HEATR1: variants seen among roughly 807,000 people sequenced by gnomAD.
HEATR1 encodes the protein HEAT repeat-containing protein 1.
In HEATR1, 77 loss-of-function variants were observed where a neutral mutation model predicts 248.2. The ratio of observed to expected loss-of-function variants is 0.31; its 90% CI spans 0.26 to 0.37. The LOEUF is 0.37. HEATR1 is among the 10% of genes least tolerant of loss of function. HEATR1 has a pLI of 1.00. For missense variants in HEATR1, 2,420 were observed against 2,504.9 expected, an observed-to-expected ratio of 0.97 and a Z score of 0.72; for synonymous variants, 897 against 923.1, an observed-to-expected ratio of 0.97 and a Z score of 0.51.
intron 9 of HEATR1, among the ~76,000 whole-genome samples, chr1:236,593,584 G>GAAAAAAA (rs534009257): frequency 1.2e-4 from 11 of 90,816 alleles, no homozygotes; most frequent in Admixed American, 2.5e-4. Flanking sequence ...CCCATTAAGA[G>GAAAAAAA]AAAAAAAAAA....
At chr1:236,584,449 T>C (rs1430117538) in intron 17 of HEATR1, among the ~76,000 whole-genome samples, 2 of 152,174 alleles carry the variant, frequency 1.3e-5, no homozygotes, top group African/African-American at 2.4e-5. Context: ...GTAAATCCTA[T>C]AATGAGAAGC....
At chr1:236,555,114 C>T (rs1449082332) in intron 41 of HEATR1, among the ~76,000 whole-genome samples, 182 bp downstream of exon 41, 2 of 152,144 alleles carry the variant, frequency 1.3e-5, no homozygotes, top group Non-Finnish European at 2.9e-5. Context: ...TTATAACATT[C>T]GCTCATGATG....
Position 236,574,233 on chromosome 1 carries a change from C to T in HEATR1, c.3428G>A (p.Cys1143Tyr). 1.9e-6 allele frequency: 3 copies of T among 1,612,114 alleles called. No homozygotes were observed. Among genetic ancestry groups the T allele is most frequent in the Non-Finnish European group, 2.5e-6 (3 of 1,179,394 alleles). ...AAAAACACTGCTGACAGTCTGAGCA[C>T]AATGTGAGTTTTTACAGTTCACCAA... ...DLLVNCKNSH[C>Y]AQTVSSVFKG... The change falls in exon 24 of 45, where the codon TGT (cysteine) becomes TAT (tyrosine). Residue 1143 changes from cysteine (C) to tyrosine (Y), a missense_variant. Cys to Tyr is a radical substitution (Grantham distance 194). Transcript: ENST00000366582.
At chr1:236,572,698 T>G in intron 25 of HEATR1, 27 bp downstream of exon 25, 4 of 1,604,720 alleles carry the variant, frequency 2.5e-6, no homozygotes, top group Non-Finnish European at 2.6e-6. Context: ...AACAACAGCA[T>G]GTGCTCAATG....
At chr1:236,573,173 A>C (rs1419282425) in intron 24 of HEATR1, among the ~76,000 whole-genome samples, 2 of 152,296 alleles carry the variant, frequency 1.3e-5, no homozygotes, top group East Asian at 3.9e-4. Context: ...ACTTGTCTTG[A>C]TTATGATACA....
At position 236,588,041 on chromosome 1, in the gene HEATR1, C is replaced by A; in HGVS notation, c.1533G>T (p.Glu511Asp). The A allele has an allele frequency of 6.2e-7, 1 of 1,606,370 alleles. No individual in the cohort carries two copies. The highest frequency in any genetic ancestry group is 8.5e-7 in the Non-Finnish European group (1 of 1,176,030). Residue 511 changes from glutamate (E) to aspartate (D), a missense_variant and splice_region_variant, in exon 13 of 45, where the codon GAG becomes GAT. Glu to Asp is a conservative substitution (Grantham distance 45). Coordinates refer to ENST00000366582, the MANE Select transcript of HEATR1 (RefSeq NM_018072.6). ...CTTTTATGAAAGATTCATCAACACC[C>A]TCCTGAGCAATAAAAGAAAAACATT... ...HLKKIMKTSKEGVDESFIKEA... is the reference protein window; with the variant it reads ...HLKKIMKTSKDGVDESFIKEA...
chr1:236,581,554 T>C (rs12065886), intron 19 of HEATR1, 140 bp from the exon 20 acceptor site: 370,261 of 535,152 alleles, frequency 0.69, 129,656 homozygotes, highest in Admixed American at 0.74. Context: ...TTTCAAATTA[T>C]TCCATATTCC....
chr1:236,569,039 A>C lies in HEATR1; in HGVS notation c.4034T>G (p.Val1345Gly). ...AACCATTTTCACTGTCTTGTTAATA[A>C]CTTGAAAACTGTAAGTATCATCTAG... Reference protein sequence around the residue: ...MRLDDTYSFQVINKTVKMVIP... With the variant: ...MRLDDTYSFQGINKTVKMVIP... The change falls in exon 29 of 45, where the codon GTT becomes GGT. Residue 1345 changes from valine (V) to glycine (G), a missense_variant. Val to Gly is a moderately radical substitution (Grantham distance 109). Coordinates refer to ENST00000366582, the MANE Select transcript of HEATR1 (RefSeq NM_018072.6). 6.2e-7 allele frequency: 1 copy of C among 1,610,120 alleles called. No individual in the cohort carries two copies. Among genetic ancestry groups the C allele is most frequent in the South Asian group, 1.1e-5 (1 of 90,288 alleles).
chr1:236,563,363 G>C (rs1044038461), intron 32 of HEATR1, among the ~76,000 whole-genome samples: 1 of 151,858 alleles, frequency 6.6e-6, no homozygotes, highest in African/African-American at 2.4e-5. Context: ...CTCACTGCAA[G>C]CTATGCCTCC....
At chr1:236,576,109 T>G in intron 22 of HEATR1, 110 bp downstream of exon 22, 1 of 756,928 alleles carries the variant, frequency 1.3e-6, no homozygotes, top group Non-Finnish European at 2.0e-6. Flanking sequence ...CATTTATCTC[T>G]TCTGAGCGCA....
chr1:236,604,021 T>C lies in HEATR1; in HGVS notation c.75A>G (p.Glu25=). 6.3e-7 allele frequency: 1 copy of C among 1,599,274 alleles called. No homozygotes were observed. Among genetic ancestry groups the C allele is most frequent in the Non-Finnish European group, 8.5e-7 (1 of 1,174,528 alleles). The change falls in exon 2 of 45, where the codon GAA becomes GAG. Residue 25 remains glutamate (E), a synonymous_variant. Coordinates refer to ENST00000366582, the MANE Select transcript of HEATR1 (RefSeq NM_018072.6). ...QSDASLLSRD[E]VASLLFDPKE... Reference sequence around the variant, plus strand: ...TAGGGTCAAATAACAAAGAAGCAACTTCATCTCTAGATAAGAGGCTGGCAT... The same window carrying C: ...TAGGGTCAAATAACAAAGAAGCAACCTCATCTCTAGATAAGAGGCTGGCAT...
At chr1:236,560,169 G>A (rs934616985) in intron 33 of HEATR1, among the ~76,000 whole-genome samples, 3 of 152,078 alleles carry the variant, frequency 2.0e-5, no homozygotes, top group African/African-American at 7.2e-5. Flanking sequence ...CAAGTGGGGT[G>A]TTCAGGGAGT....
intron 8 of HEATR1, 26 bp from the exon 9 acceptor site, chr1:236,594,140 G>A (rs757899462): frequency 1.4e-6 from 2 of 1,443,434 alleles, no homozygotes; most frequent in South Asian, 2.6e-5. Flanking sequence ...TTAAAATTGT[G>A]TTGGGAAAAA....
chr1:236,593,899 GACAAA>G (rs1245945415), intron 9 of HEATR1, 108 bp downstream of exon 9: 12 of 689,684 alleles, frequency 1.7e-5, no homozygotes, highest in Non-Finnish European at 2.7e-5. Context: ...AAATGATACA[GACAAA>G]ACAAGATATA....
intron 15 of HEATR1, 136 bp downstream of exon 15, chr1:236,586,105 T>C: frequency 8.2e-7 from 1 of 1,224,352 alleles, no homozygotes; most frequent in Non-Finnish European, 1.1e-6. Flanking sequence ...CTTTTCACTG[T>C]ATACTTTTTA....
chr1:236,574,143 G>A, intron 24 of HEATR1, 59 bp downstream of exon 24: 5 of 1,437,842 alleles, frequency 3.5e-6, no homozygotes, highest in Non-Finnish European at 4.7e-6. Flanking sequence ...TAAACATGGT[G>A]TCCCTTGGAA....
chr1:236,585,667 A>C (rs1663865291), intron 16 of HEATR1, among the ~76,000 whole-genome samples, 153 bp downstream of exon 16: 1 of 152,198 alleles, frequency 6.6e-6, no homozygotes, highest in African/African-American at 2.4e-5. Context: ...ATTGCACAGA[A>C]TATATTAAAC....
intron 20 of HEATR1, 39 bp from the exon 21 acceptor site, chr1:236,576,988 A>G (rs1455804561): frequency 6.7e-7 from 1 of 1,501,746 alleles, no homozygotes; most frequent in Non-Finnish European, 8.9e-7. Flanking sequence ...AAACAATTTT[A>G]AAAACTGAAA....
chr1:236,597,395 G>C (rs890805605), intron 5 of HEATR1, among the ~76,000 whole-genome samples: 1 of 151,820 alleles, frequency 6.6e-6, no homozygotes, highest in African/African-American at 2.4e-5. Context: ...TGGAATTACA[G>C]GCATGCCCCA....
Sources: gnomAD v4.1 joint callset for allele counts (sites outside exome capture counted in the v4.1 genomes callset) on GRCh38, gnomAD v4.1.1 for gene constraint, MANE v1.5 for transcripts, NCBI Gene and HGNC (gene_info 2026-07-23, HGNC 2026-07-21) for gene names.